The following GALNTL6 variants were observed in gnomAD, a reference collection of about 807,000 sequenced individuals.
GALNTL6 encodes polypeptide N-acetylgalactosaminyltransferase like 6, also known as polypeptide N-acetylgalactosaminyltransferase-like 6.
GALNTL6 carries 46 observed loss-of-function variants against 73.7 expected under a neutral mutation model. The observed-to-expected ratio is 0.62, with a 90% CI of 0.49 to 0.80. GALNTL6 has a LOEUF of 0.80. Ranked by LOEUF, GALNTL6 falls within the 30% of genes least tolerant of loss-of-function variation. GALNTL6 has a pLI of 0.00. For synonymous variants in GALNTL6, 259 were observed against 263.7 expected, an observed-to-expected ratio of 0.98 and a Z score of 0.17; for missense variants, 604 against 755.0, an observed-to-expected ratio of 0.80 and a Z score of 2.34.
chr4:171,943,471 A>G (rs1402270470), intron 2 of GALNTL6, among the ~76,000 whole-genome samples: 1 of 152,210 alleles, frequency 6.6e-6, no homozygotes, highest in African/African-American at 2.4e-5. Flanking sequence ...GAAATATTAC[A>G]TATTAAATGT....
intron 5 of GALNTL6, among the ~76,000 whole-genome samples, chr4:172,550,515 T>C (rs9993592): frequency 0.045 from 6,808 of 152,290 alleles, 477 homozygotes; most frequent in African/African-American, 0.15. Flanking sequence ...TCAGTCTTTT[T>C]ACCATTGATG....
At chr4:172,801,737 T>C (rs1447804078) in intron 5 of GALNTL6, among the ~76,000 whole-genome samples, 1 of 152,218 alleles carries the variant, frequency 6.6e-6, no homozygotes, top group Non-Finnish European at 1.5e-5. Context: ...CCAGAACTAT[T>C]ATACATTCAA....
rs67067629 is a variant in GALNTL6 at position 172,123,500 on chromosome 4, A to ATTTTTT, written c.139-106141_139-106136dup. On this transcript the variant is annotated intron_variant, in intron 2 of 12. Transcript: ENST00000506823. ...AATCAATAGTTTCAAAAAAGTCATA[A>ATTTTTT]TTTTTTTTTTTTTTTTTTTTGAGAT... Among the ~76,000 whole-genome samples, 289 of 115,416 alleles carry ATTTTTT rather than the reference A, an allele frequency of 2.5e-3. 5 individuals are homozygous for ATTTTTT. The highest frequency in any genetic ancestry group is 3.1e-3 in the Non-Finnish European group (184 of 59,990). The allele number at this position is 115,416 out of a possible 152,430, so 75.7% of individuals were successfully genotyped here.
intron 5 of GALNTL6, among the ~76,000 whole-genome samples, chr4:172,679,570 A>C (rs557416526): frequency 1.3e-5 from 2 of 152,250 alleles, no homozygotes; most frequent in South Asian, 2.1e-4. Context: ...ATTTTTCTCT[A>C]TACACTATCT....
At chr4:172,900,919 C>T (rs186977939) in intron 8 of GALNTL6, among the ~76,000 whole-genome samples, 2 of 152,184 alleles carry the variant, frequency 1.3e-5, no homozygotes, top group Admixed American at 6.5e-5. Flanking sequence ...TTTAGGCAAC[C>T]GTAAACTTGC....
intron 2 of GALNTL6, among the ~76,000 whole-genome samples, chr4:171,901,496 C>A (rs1364675762): frequency 6.6e-6 from 1 of 152,142 alleles, no homozygotes; most frequent in African/African-American, 2.4e-5. Flanking sequence ...AAATATTTTT[C>A]TTTCCTCCTC....
chr4:171,923,774 C>T (rs1395212125), intron 2 of GALNTL6, among the ~76,000 whole-genome samples: 1 of 121,426 alleles, frequency 8.2e-6, no homozygotes, highest in Non-Finnish European at 1.7e-5. Flanking sequence ...CCAGGACACA[C>T]AAAAAGTATT....
chr4:172,667,924 CA>C, intron 5 of GALNTL6: 1 of 152,192 alleles, frequency 6.6e-6, no homozygotes, highest in East Asian at 1.9e-4. Context: ...ATGAACCACT[CA>C]GCATTTTCCC....
rs147964125 is a variant in GALNTL6 at position 172,268,281 on chromosome 4, A to G, written c.247+38517A>G. The stretch of plus-strand genomic sequence containing the variant: ...ACTGAGAGAAAGATTGGCATGCAGG[A>G]GGTTTATTATGGAATGCTCTTGGGA... On this transcript the variant is annotated intron_variant, in intron 3 of 12. Coordinates refer to ENST00000506823, the MANE Select transcript of GALNTL6 (RefSeq NM_001034845.3). Among the ~76,000 whole-genome samples the G allele has an allele frequency of 4.2e-3, 643 of 152,302 alleles. 6 individuals are homozygous for G. Among genetic ancestry groups the G allele is most frequent in the African/African-American group, 0.015 (618 of 41,570 alleles).
intron 5 of GALNTL6, among the ~76,000 whole-genome samples, chr4:172,555,765 A>G (rs1579184938): frequency 6.6e-6 from 1 of 152,246 alleles, no homozygotes; most frequent in Admixed American, 6.5e-5. Context: ...AAACAAATAT[A>G]TTTTAAAAGA....
intron 5 of GALNTL6, among the ~76,000 whole-genome samples, chr4:172,793,474 C>T (rs1016605553): frequency 2.6e-5 from 4 of 152,166 alleles, no homozygotes; most frequent in Non-Finnish European, 5.9e-5. Flanking sequence ...AGCACGCCAA[C>T]TCACTGCAGT....
At chr4:172,923,935 TC>T (rs891527434) in intron 8 of GALNTL6, among the ~76,000 whole-genome samples, 1 of 152,022 alleles carries the variant, frequency 6.6e-6, no homozygotes, top group Non-Finnish European at 1.5e-5. Context: ...ACCGGGTACC[TC>T]ACACAACACG....
rs1356842126 is a variant in GALNTL6 at position 172,875,762 on chromosome 4, CACACACAA to C, written c.924-7026_924-7019del. Among the ~76,000 whole-genome samples the C allele has an allele frequency of 2.0e-5, 3 of 151,740 alleles. No homozygotes were observed. In the East Asian group the frequency reaches 5.8e-4, roughly 29 times the overall value. On this transcript the variant is annotated intron_variant, in intron 7 of 12. Coordinates refer to ENST00000506823, the MANE Select transcript of GALNTL6 (RefSeq NM_001034845.3). Reference sequence around the variant, plus strand: ...ACACACACACACACACACACACACACACACACAAATAAGAACAAAACATTTTTGACCAC... The same window carrying C: ...ACACACACACACACACACACACACACATAAGAACAAAACATTTTTGACCAC...
chr4:172,785,072 T>C (rs1739579051), intron 5 of GALNTL6, among the ~76,000 whole-genome samples: 3 of 152,156 alleles, frequency 2.0e-5, no homozygotes, highest in African/African-American at 7.2e-5. Context: ...TAATATCTGA[T>C]AGAGAACAGA....
At chr4:172,057,621 C>T (rs1439436910) in intron 2 of GALNTL6, among the ~76,000 whole-genome samples, 5 of 147,242 alleles carry the variant, frequency 3.4e-5, no homozygotes, top group Non-Finnish European at 6.0e-5. Context: ...GCGGGAAGAT[C>T]GCTTGAGCAT....
chr4:171,968,939 C>T (rs957086975), intron 2 of GALNTL6, among the ~76,000 whole-genome samples: 10 of 151,714 alleles, frequency 6.6e-5, no homozygotes, highest in African/African-American at 1.5e-4. Context: ...CAGGTTCAAG[C>T]GATTTTCCTG....
chr4:172,080,439 C>T (rs962403418), intron 2 of GALNTL6, among the ~76,000 whole-genome samples: 1 of 152,152 alleles, frequency 6.6e-6, no homozygotes, highest in Admixed American at 6.5e-5. Flanking sequence ...GCTGCAATTA[C>T]AGGCATAAGC....
chr4:171,989,574 T>C (rs1740266666), intron 2 of GALNTL6, among the ~76,000 whole-genome samples: 1 of 152,180 alleles, frequency 6.6e-6, no homozygotes, highest in South Asian at 2.1e-4. Flanking sequence ...GTGCTGGAAA[T>C]GTGGCTGGGG....
rs540653887 is a variant in GALNTL6 at position 172,096,549 on chromosome 4, C to A, written c.139-133107C>A. On this transcript the variant is annotated intron_variant, in intron 2 of 12. Transcript: ENST00000506823. ...GACAGCCCTTTTTATAAAAAAAAAACCTTACTATTTGCTTATTTTTGTTTA... is the reference window on the plus strand; with the variant it reads ...GACAGCCCTTTTTATAAAAAAAAAAACTTACTATTTGCTTATTTTTGTTTA... Among the ~76,000 whole-genome samples, 131 of 143,342 alleles carry A rather than the reference C, an allele frequency of 9.1e-4. 1 individual carries two copies. In the East Asian group the frequency reaches 0.014, roughly 16 times the overall value. 94.0% of individuals were successfully genotyped at this position (143,342 alleles called of 152,430 possible).
Sources: allele counts gnomAD v4.1 joint callset (sites outside exome capture counted in the v4.1 genomes callset), GRCh38; gene constraint gnomAD v4.1.1; transcripts MANE v1.5; gene names NCBI Gene and HGNC (gene_info 2026-07-23, HGNC 2026-07-21).